The following YLPM1 variants were observed in gnomAD, a reference collection of about 807,000 sequenced individuals.
YLPM1 encodes YLP motif-containing protein 1.
Under a neutral mutation model 230.0 loss-of-function variants are expected in YLPM1, and 99 were observed. The ratio of observed to expected loss-of-function variants is 0.43; its 90% CI spans 0.37 to 0.51. The LOEUF (loss-of-function observed/expected upper bound fraction) is 0.51. Ranked by LOEUF, YLPM1 falls within the 20% of genes least tolerant of loss-of-function variation. YLPM1 has a pLI of 0.00. For missense variants in YLPM1, 2,592 were observed against 2,707.7 expected, an observed-to-expected ratio of 0.96 and a Z score of 0.95; for synonymous variants, 984 against 942.5, an observed-to-expected ratio of 1.04 and a Z score of -0.81.
intron 4 of YLPM1, among the ~76,000 whole-genome samples, chr14:74,789,377 C>T (rs1378303917): frequency 7.2e-5 from 11 of 152,052 alleles, no homozygotes; most frequent in Admixed American, 5.9e-4. Flanking sequence ...CCACCATGCC[C>T]GGCTAATTTT....
At position 74,835,964 on chromosome 14, in the gene YLPM1, G is replaced by T. The variant is rs1201260367; in HGVS notation, c.*226G>T. 4 of 447,452 alleles carry T rather than the reference G, an allele frequency of 8.9e-6. No individual in the cohort carries two copies. In the East Asian group the frequency reaches 2.1e-4, roughly 24 times the overall value. 27.7% of individuals were successfully genotyped at this position (447,452 alleles called of 1,614,324 possible). On this transcript the variant is annotated 3_prime_UTR_variant, in exon 21 of 21. Coordinates refer to ENST00000325680, the MANE Select transcript of YLPM1 (RefSeq NM_019589.3). ...CGTTAATTTTTCTTTTAACTGTTTT[G>T]GGGAGGGAGGGAGTGATAGCTTAAC...
chr14:74,768,775 T>C (rs2090941011), intron 1 of YLPM1, among the ~76,000 whole-genome samples: 1 of 152,160 alleles, frequency 6.6e-6, no homozygotes, highest in African/African-American at 2.4e-5. Flanking sequence ...CTTGTTTCAG[T>C]TGTGGGGGAA....
intron 1 of YLPM1, among the ~76,000 whole-genome samples, chr14:74,770,315 G>A (rs376140043): frequency 6.6e-6 from 1 of 150,388 alleles, no homozygotes; most frequent in East Asian, 2.0e-4. Context: ...GCAACAGAGT[G>A]AGACCTAAAA....
intron 19 of YLPM1, among the ~76,000 whole-genome samples, chr14:74,832,987 A>T (rs1320271370): frequency 6.6e-6 from 1 of 151,674 alleles, no homozygotes; most frequent in Admixed American, 6.6e-5. Flanking sequence ...TGTGCTGAGG[A>T]TGCCGTGGGA....
chr14:74,802,763 A>G (rs2091340769), intron 6 of YLPM1, 87 bp downstream of exon 6: 9 of 1,429,680 alleles, frequency 6.3e-6, no homozygotes, highest in East Asian at 2.5e-5. Context: ...AGTTGAATAA[A>G]TAACAAATTT....
chr14:74,810,165 G>A lies in YLPM1; in HGVS notation c.5033-60G>A, dbSNP rs188268050. 17 of 1,561,032 alleles carry A rather than the reference G, an allele frequency of 1.1e-5. No homozygotes were observed. In the African/African-American group the frequency reaches 2.3e-4, roughly 21 times the overall value. ...TACCAGCTCTGAAGTTAGATTTATA[G>A]TTTTCTGCTTTTATTTCTATAAAAG... On this transcript the variant is annotated intron_variant, in intron 8 of 20. Coordinates refer to ENST00000325680, the MANE Select transcript of YLPM1 (RefSeq NM_019589.3).
rs1360849490 is a variant in YLPM1 at position 74,809,701 on chromosome 14, T to C, written c.4843T>C (p.Ser1615Pro). The C allele has an allele frequency of 3.1e-6, 5 of 1,613,936 alleles. No individual in the cohort carries two copies. Among genetic ancestry groups the C allele is most frequent in the African/African-American group, 2.7e-5 (2 of 74,948 alleles). The part of the protein sequence containing the change: ...APVLPPPPVH[S>P]SIPPPGPVPM... ...AGTATTACCACCCCCACCTGTTCAC[T>C]CTTCCATTCCCCCTCCTGGCCCAGT... is the stretch of plus-strand genomic sequence containing the variant. The change falls in exon 7 of 21, where the codon TCT becomes CCT. Residue 1615 changes from serine (S) to proline (P), a missense_variant. Around this residue, in one of 4 missense-constraint regions of YLPM1, gnomAD observed 403 missense variants for 426.7 expected, o/e 0.94. Coordinates refer to ENST00000325680, the MANE Select transcript of YLPM1 (RefSeq NM_019589.3).
intron 1 of YLPM1, 80 bp downstream of exon 1, chr14:74,764,442 T>G: frequency 6.9e-7 from 1 of 1,448,020 alleles, no homozygotes; most frequent in African/African-American, 1.4e-5. Flanking sequence ...AACCAGTGGT[T>G]AGTCTAATTC....
Position 74,799,240 on chromosome 14 carries a change from C to T in YLPM1, c.3943C>T (p.Pro1315Ser), listed in dbSNP as rs750207290. ...DNEWDRDYGR[P>S]LDEQESQFRE... ...TGAGTGGGACAGAGATTATGGGAGA[C>T]CACTGGATGAACAAGAATCACAGTT... The change falls in exon 5 of 21, where the codon CCA becomes TCA. Residue 1315 changes from proline to serine, a missense_variant. Coordinates refer to ENST00000325680, the MANE Select transcript of YLPM1 (RefSeq NM_019589.3). 1.9e-6 allele frequency: 3 copies of T among 1,613,942 alleles called. No homozygotes were observed. Among genetic ancestry groups the T allele is most frequent in the South Asian group, 1.1e-5 (1 of 91,066 alleles).
At chr14:74,826,845 T>A (rs1201505993) in intron 18 of YLPM1, among the ~76,000 whole-genome samples, 1 of 152,222 alleles carries the variant, frequency 6.6e-6, no homozygotes, top group East Asian at 1.9e-4. Context: ...GGATTCAGCA[T>A]TGAAGCTACT....
At chr14:74,777,301 C>G (rs1425317469) in intron 1 of YLPM1, among the ~76,000 whole-genome samples, 1 of 152,082 alleles carries the variant, frequency 6.6e-6, no homozygotes, top group African/African-American at 2.4e-5. Flanking sequence ...TGCGGTGGCT[C>G]ACACCTGTAA....
At chr14:74,773,355 T>TAAC (rs935609714) in intron 1 of YLPM1, among the ~76,000 whole-genome samples, 1 of 150,652 alleles carries the variant, frequency 6.6e-6, no homozygotes, top group African/African-American at 2.5e-5. Flanking sequence ...CTTCAGCCCT[T>TAAC]AACAAGTTCT....
chr14:74,832,064 A>G (rs1485126576), intron 19 of YLPM1, among the ~76,000 whole-genome samples: 1 of 152,358 alleles, frequency 6.6e-6, no homozygotes, highest in East Asian at 1.9e-4. Flanking sequence ...ACTTATAGTT[A>G]CAGTGGATGA....
At chr14:74,816,847 T>C (rs567562329) in intron 13 of YLPM1, 84 bp from the exon 14 acceptor site, 4 of 1,456,088 alleles carry the variant, frequency 2.7e-6, no homozygotes, top group Non-Finnish European at 3.6e-6. Context: ...TACAAAGTCA[T>C]CTCTATCCAA....
chr14:74,799,713 C>G lies in YLPM1; in HGVS notation c.4400+16C>G, dbSNP rs1416694645. The G allele has an allele frequency of 1.9e-6, 3 of 1,575,332 alleles. No individual in the cohort carries two copies. In the Admixed American group the frequency reaches 5.5e-5, roughly 29 times the overall value. On this transcript the variant is annotated intron_variant, in intron 5 of 20. Coordinates refer to ENST00000325680, the MANE Select transcript of YLPM1 (RefSeq NM_019589.3). ...AAATGCTTCGGTAAGTTGACTCCTT[C>G]AGATCCTTTCTTTTAATAAAAACCA...
intron 18 of YLPM1, among the ~76,000 whole-genome samples, chr14:74,824,722 T>C (rs1398386137): frequency 6.6e-6 from 1 of 152,036 alleles, no homozygotes; most frequent in African/African-American, 2.4e-5. Context: ...TTAAAAGGCA[T>C]TTATTCTCCT....
chr14:74,778,579 G>A lies in YLPM1; in HGVS notation c.1006G>A (p.Val336Ile), dbSNP rs759277170. 38 of 1,603,760 alleles carry A rather than the reference G, an allele frequency of 2.4e-5. No homozygotes were observed. The highest frequency in any genetic ancestry group is 3.1e-5 in the Non-Finnish European group (36 of 1,175,376). Residue 336 changes from valine (V) to isoleucine (I), a missense_variant, in exon 2 of 21, where the codon GTA (valine) becomes ATA (isoleucine). Around this residue, in one of 4 missense-constraint regions of YLPM1, gnomAD observed 1,862 missense variants for 1,819.8 expected, o/e 1.02. Coordinates refer to ENST00000325680, the MANE Select transcript of YLPM1 (RefSeq NM_019589.3). ...AGAGCCGGTAAAAGAAGAAGTTACA[G>A]TACCTGCCACCAGTCAAGTTCCAGA... ...TPEPVKEEVT[V>I]PATSQVPESP...
intron 1 of YLPM1, among the ~76,000 whole-genome samples, chr14:74,767,161 C>T (rs1029510227): frequency 1.3e-5 from 2 of 152,124 alleles, no homozygotes; most frequent in Non-Finnish European, 1.5e-5. Context: ...GGATTACAGG[C>T]GTGAGCCACC....
Position 74,798,736 on chromosome 14 carries a change from C to T in YLPM1, c.3439C>T (p.Pro1147Ser). The T allele has an allele frequency of 6.2e-7, 1 of 1,612,852 alleles. No homozygotes were observed. The highest frequency in any genetic ancestry group is 1.1e-5 in the South Asian group (1 of 90,984). The change falls in exon 5 of 21, where the codon CCT (proline) becomes TCT (serine). Residue 1147 changes from proline (P) to serine (S), a missense_variant. Physicochemically the swap from Pro to Ser is moderately conservative, Grantham distance 74. Coordinates refer to ENST00000325680, the MANE Select transcript of YLPM1 (RefSeq NM_019589.3). ...AGCTGGGAGCAGGGAGAGAGGACCA[C>T]CTCGAGGGCCTGGCAGTCGAGAAAG... The part of the protein sequence containing the change: ...RRAGSRERGP[P>S]RGPGSRERGL...
Sources: gnomAD v4.1 joint callset for allele counts (sites outside exome capture counted in the v4.1 genomes callset) on GRCh38, gnomAD v4.1.1 for gene constraint, gnomAD v4.1.1 regional missense constraint, MANE v1.5 for transcripts, NCBI Gene and HGNC (gene_info 2026-07-23, HGNC 2026-07-21) for gene names.